ULK2: variants seen among roughly 807,000 people sequenced by gnomAD.
ULK2 encodes unc-51 like autophagy activating kinase 2.
In ULK2, 76 loss-of-function variants were observed where a neutral mutation model predicts 127.5. The observed-to-expected ratio is 0.60, with a 90% CI of 0.50 to 0.72. The LOEUF (loss-of-function observed/expected upper bound fraction) is 0.72, where lower values mean the gene tolerates loss of function less well. ULK2 is among the 30% of genes least tolerant of loss of function. ULK2 has a pLI of 0.00. For synonymous variants in ULK2, 452 were observed against 461.9 expected, an observed-to-expected ratio of 0.98 and a Z score of 0.28; for missense variants, 1,144 against 1,295.9, an observed-to-expected ratio of 0.88 and a Z score of 1.80.
chr17:19,840,500 TAACCTCTCATATTAA>T, intron 9 of ULK2: 1 of 455,466 alleles, frequency 2.2e-6, no homozygotes, highest in East Asian at 5.5e-5. Context: ...ATCAAACATT[TAACCTCTCATATTAA>T]GTCTGTCAAT....
In ULK2 at chr17:19,785,195, A is replaced by T. The variant is rs938573293; in HGVS notation, c.2251+742T>A. On this transcript the variant is annotated intron_variant, in intron 21 of 26. Coordinates refer to ENST00000395544, the MANE Select transcript of ULK2 (RefSeq NM_014683.4). ...ATTGAGACCCAAAGTACAAAAAATT[A>T]AAAATAAATAAATAAAACAAGTTTC... 5.9e-5 allele frequency among the ~76,000 whole-genome samples: 9 copies of T among 151,838 alleles called. No individual in the cohort carries two copies. The East Asian group carries it at 7.8e-4, about 13-fold the overall frequency.
intron 14 of ULK2, among the ~76,000 whole-genome samples, chr17:19,809,732 C>CAAAAA (rs369486144): frequency 5.5e-5 from 5 of 90,474 alleles, no homozygotes; most frequent in Non-Finnish European, 1.0e-4. Flanking sequence ...GACTCCGTCT[C>CAAAAA]AAAAAAAAAA....
At chr17:19,861,474 G>C (rs1175449260) in intron 3 of ULK2, among the ~76,000 whole-genome samples, 1 of 152,208 alleles carries the variant, frequency 6.6e-6, no homozygotes, top group African/African-American at 2.4e-5. Flanking sequence ...GAACCCAGGA[G>C]GCGAAGCTTG....
chr17:19,858,366 C>G (rs981144579), intron 3 of ULK2, among the ~76,000 whole-genome samples: 2 of 151,850 alleles, frequency 1.3e-5, no homozygotes, highest in Non-Finnish European at 2.9e-5. Context: ...TGCCACCACA[C>G]TCCAGCCTGG....
At chr17:19,843,696 T>C (rs1567718866) in intron 7 of ULK2, among the ~76,000 whole-genome samples, 2 of 150,908 alleles carry the variant, frequency 1.3e-5, no homozygotes, top group Non-Finnish European at 2.9e-5. Flanking sequence ...TCTCAATGTG[T>C]CACCCAGGCT....
chr17:19,780,507 C>T lies in ULK2; in HGVS notation c.2881G>A (p.Ala961Thr). Reference sequence around the variant, plus strand: ...GCACAATTATAGATGAGTTTCTCTGCAGTCACACTGTTGATTTCATCAATA... The same window carrying T: ...GCACAATTATAGATGAGTTTCTCTGTAGTCACACTGTTGATTTCATCAATA... Reference protein sequence around the residue: ...RFIDEINSVTAEKLIYNCAVE... With the variant: ...RFIDEINSVTTEKLIYNCAVE... The change falls in exon 25 of 27, where the codon GCA becomes ACA. Residue 961 changes from alanine to threonine, a missense_variant. Physicochemically the swap from Ala to Thr is moderately conservative, Grantham distance 58. Around this residue, in one of 2 missense-constraint regions of ULK2, gnomAD observed 913 missense variants for 970.5 expected, o/e 0.94. Transcript: ENST00000395544. The T allele has an allele frequency of 6.2e-7, 1 of 1,613,246 alleles. No homozygotes were observed. The highest frequency in any genetic ancestry group is 2.2e-5 in the East Asian group (1 of 44,814).
chr17:19,850,096 T>C lies in ULK2; in HGVS notation c.226-322A>G, dbSNP rs544148244. On this transcript the variant is annotated intron_variant, in intron 3 of 26. Transcript: ENST00000395544. ...GACAAAAAGCATGGTAAATTTACAATGGGGAAAAAGGAAGGATTCTTTGGT... is the reference window on the plus strand; with the variant it reads ...GACAAAAAGCATGGTAAATTTACAACGGGGAAAAAGGAAGGATTCTTTGGT... 2.0e-4 allele frequency among the ~76,000 whole-genome samples: 31 copies of C among 152,258 alleles called. No homozygotes were observed. In the East Asian group the frequency reaches 3.5e-3, roughly 17 times the overall value.
chr17:19,822,165 T>C (rs1334880601), intron 12 of ULK2, among the ~76,000 whole-genome samples: 1 of 150,580 alleles, frequency 6.6e-6, no homozygotes, highest in African/African-American at 2.4e-5. Flanking sequence ...TTTGTATTTT[T>C]AGTAGAGACA....
rs774126736 is a variant in ULK2, at chr17:19,782,013, A to G, written c.2515T>C (p.Cys839Arg). Reference protein sequence around the residue: ...HLNVMLMFTECVLDLTAMRGG... With the variant: ...HLNVMLMFTERVLDLTAMRGG... Reference sequence around the variant, plus strand: ...CTCATGGCTGTCAGGTCCAGCACACACTCAGTGAACATCAGCATCACATTC... The same window carrying G: ...CTCATGGCTGTCAGGTCCAGCACACGCTCAGTGAACATCAGCATCACATTC... Residue 839 changes from cysteine to arginine, a missense_variant, in exon 23 of 27, where the codon TGT becomes CGT. This residue lies in a region of ULK2 where 913 missense variants were observed against 970.5 expected (regional missense o/e 0.94). Coordinates refer to ENST00000395544, the MANE Select transcript of ULK2 (RefSeq NM_014683.4). 6.2e-7 allele frequency: 1 copy of G among 1,614,166 alleles called. No individual in the cohort carries two copies. The highest frequency in any genetic ancestry group is 1.1e-5 in the South Asian group (1 of 91,078).
chr17:19,867,495 C>T lies in ULK2; in HGVS notation c.-78G>A, dbSNP rs536774979. ...GGTATCAGCACCGCGGCTCCGCGGG[C>T]CCGGAGCGCGCCAGCGTGCGGCGGG... On this transcript the variant is annotated 5_prime_UTR_variant, in exon 1 of 27. Transcript: ENST00000395544. 94 of 1,161,974 alleles carry T rather than the reference C, an allele frequency of 8.1e-5. No homozygotes were observed. The Middle Eastern group carries it at 2.0e-3, about 25-fold the overall frequency. The allele number at this position is 1,161,974 out of a possible 1,614,324, so 72.0% of individuals were successfully genotyped here. A position where few individuals can be genotyped will look rare whatever the true frequency, so the allele number is the denominator to read the frequency against.
chr17:19,867,088 GC>G (rs1262062160), intron 1 of ULK2, among the ~76,000 whole-genome samples: 1 of 152,166 alleles, frequency 6.6e-6, no homozygotes, highest in Non-Finnish European at 1.5e-5. Context: ...CGCGGGGTGG[GC>G]CCCGGGCACA....
At chr17:19,780,400 T>C (rs1251588045) in intron 25 of ULK2, 72 bp downstream of exon 25, 1 of 1,366,246 alleles carries the variant, frequency 7.3e-7, no homozygotes, top group East Asian at 2.4e-5. Flanking sequence ...ATAGCTGTCA[T>C]ATAGATATTC....
intron 14 of ULK2, among the ~76,000 whole-genome samples, chr17:19,807,089 G>A (rs368630008): frequency 1.2e-4 from 19 of 152,344 alleles, no homozygotes; most frequent in African/African-American, 4.6e-4. Context: ...CCAAGGGACA[G>A]AGGGAGAGAA....
chr17:19,775,336 A>AGT lies in ULK2; in HGVS notation c.*1012_*1013insAC, dbSNP rs2086795101. On this transcript the variant is annotated 3_prime_UTR_variant, in exon 27 of 27. Coordinates refer to ENST00000395544, the MANE Select transcript of ULK2 (RefSeq NM_014683.4). ...ACTTCATTTTCCACTCACTGCATGT[A>AGT]GGAACTCCACATCACTAACAAGCCT... is the stretch of plus-strand genomic sequence containing the variant. The AGT allele has an allele frequency of 6.5e-6, 1 of 152,710 alleles. No homozygotes were observed. 9.5% of individuals were successfully genotyped at this position (152,710 alleles called of 1,614,324 possible). A position where few individuals can be genotyped will look rare whatever the true frequency, so the allele number is the denominator to read the frequency against.
chr17:19,799,578 A>G lies in ULK2; in HGVS notation c.1442-3T>C, dbSNP rs1463165506. On this transcript the variant is annotated splice_polypyrimidine_tract_variant and splice_region_variant and intron_variant, in intron 16 of 26. Transcript: ENST00000395544. ...GAATTGCTCAGGAATGGTACCAACT[A>G]CAAAAAAAAAAAAAAAAAAGATGGG... is the stretch of plus-strand genomic sequence containing the variant. The G allele has an allele frequency of 7.2e-7, 1 of 1,393,998 alleles. No homozygotes were observed. The highest frequency in any genetic ancestry group is 9.3e-7 in the Non-Finnish European group (1 of 1,078,984). 86.4% of individuals were successfully genotyped at this position (1,393,998 alleles called of 1,614,324 possible). A position where few individuals can be genotyped will look rare whatever the true frequency, so the allele number is the denominator to read the frequency against.
Position 19,838,446 on chromosome 17 carries a change from C to T in ULK2, c.787+55G>A, listed in dbSNP as rs8068565. 0.018 allele frequency: 25,515 copies of T among 1,434,440 alleles called. 2,188 individuals carry two copies. The African/African-American group carries it at 0.21, about 12-fold the overall frequency. 88.9% of individuals were successfully genotyped at this position (1,434,440 alleles called of 1,614,324 possible). On this transcript the variant is annotated intron_variant, in intron 10 of 26. Coordinates refer to ENST00000395544, the MANE Select transcript of ULK2 (RefSeq NM_014683.4). ...TGAAATCTCTAGTTTTTAAATCTTT[C>T]GGCATATATAACAATAAAATTAGAA...
At chr17:19,846,681 G>T in intron 6 of ULK2, 56 bp downstream of exon 6, 13 of 1,423,158 alleles carry the variant, frequency 9.1e-6, no homozygotes, top group South Asian at 1.5e-5. Context: ...AGCTAAAGTT[G>T]TCTAAAAATA....
chr17:19,850,866 G>A (rs2041998953), intron 3 of ULK2, among the ~76,000 whole-genome samples: 1 of 151,868 alleles, frequency 6.6e-6, no homozygotes, highest in Non-Finnish European at 1.5e-5. Flanking sequence ...GATCGATCTA[G>A]ACCTATCTAT....
chr17:19,838,451 T>C (rs760189631), intron 10 of ULK2, 50 bp downstream of exon 10: 9 of 1,478,174 alleles, frequency 6.1e-6, no homozygotes, highest in Non-Finnish European at 7.4e-6. Context: ...TCTTTCGGCA[T>C]ATATAACAAT....
Sources: allele counts gnomAD v4.1 joint callset (sites outside exome capture counted in the v4.1 genomes callset), GRCh38; gene constraint gnomAD v4.1.1; regional missense constraint gnomAD v4.1.1; transcripts MANE v1.5; gene names NCBI Gene and HGNC (gene_info 2026-07-23, HGNC 2026-07-21).